Variants in SYNDIG1 observed in about 807,000 individuals in gnomAD.
SYNDIG1 encodes synapse differentiation inducing 1.
A neutral mutation model predicts 19.4 loss-of-function variants in SYNDIG1; 9 were observed. The ratio of observed to expected loss-of-function variants is 0.46; its 90% CI spans 0.28 to 0.81. The LOEUF (loss-of-function observed/expected upper bound fraction) is 0.81. SYNDIG1 is among the 30% of genes least tolerant of loss of function. The probability of loss-of-function intolerance (pLI) is 0.12; values close to 1 mark genes in which losing one functional copy is unlikely to be tolerated. For synonymous variants in SYNDIG1, 141 were observed against 145.9 expected (o/e 0.97, Z 0.24); for missense variants, 311 against 343.3 (o/e 0.91, Z 0.74).
intron 3 of SYNDIG1, among the ~76,000 whole-genome samples, chr20:24,627,892 C>G (rs187569245): frequency 6.6e-6 from 1 of 152,202 alleles, no homozygotes; most frequent in Admixed American, 6.5e-5. Flanking sequence ...AGTCACTTGG[C>G]GGAGATCCTC....
chr20:24,578,051 A>G (rs2058258035), intron 2 of SYNDIG1, among the ~76,000 whole-genome samples: 1 of 152,234 alleles, frequency 6.6e-6, no homozygotes, highest in African/African-American at 2.4e-5. Context: ...TCATTCAGCA[A>G]ATGTGCGTGG....
At chr20:24,491,107 T>C (rs2056135174) in intron 1 of SYNDIG1, among the ~76,000 whole-genome samples, 1 of 152,112 alleles carries the variant, frequency 6.6e-6, no homozygotes, top group Non-Finnish European at 1.5e-5. Context: ...CCTTATGGGA[T>C]TGATAGTAAA....
intron 1 of SYNDIG1, among the ~76,000 whole-genome samples, chr20:24,541,426 G>T (rs755156008): frequency 2.6e-5 from 4 of 152,226 alleles, no homozygotes; most frequent in Non-Finnish European, 4.4e-5. Context: ...TTACAATAGT[G>T]TTATAGAAAG....
chr20:24,525,263 T>G (rs2057097397), intron 1 of SYNDIG1, among the ~76,000 whole-genome samples: 2 of 150,624 alleles, frequency 1.3e-5, no homozygotes, highest in Admixed American at 1.3e-4. Context: ...GATACTAATG[T>G]TTTATACATA....
chr20:24,556,517 T>C (rs1475611690), intron 2 of SYNDIG1, among the ~76,000 whole-genome samples: 1 of 152,214 alleles, frequency 6.6e-6, no homozygotes, highest in Non-Finnish European at 1.5e-5. Context: ...ACAAAATCTC[T>C]CAGCATTTGC....
intron 3 of SYNDIG1, among the ~76,000 whole-genome samples, chr20:24,663,345 A>G (rs1419981395): frequency 6.6e-6 from 1 of 152,192 alleles, no homozygotes; most frequent in East Asian, 1.9e-4. Flanking sequence ...GAATGAGAAT[A>G]AAGAGCAAAT....
intron 1 of SYNDIG1, among the ~76,000 whole-genome samples, chr20:24,539,711 T>G (rs1006532661): frequency 1.3e-5 from 2 of 152,246 alleles, no homozygotes; most frequent in Non-Finnish European, 2.9e-5. Flanking sequence ...AGTGCATGAA[T>G]ATGGAATGTC....
At chr20:24,551,801 C>T (rs1341044527) in intron 2 of SYNDIG1, among the ~76,000 whole-genome samples, 1 of 151,302 alleles carries the variant, frequency 6.6e-6, no homozygotes, top group Non-Finnish European at 1.5e-5. Context: ...TTGTTGTTTC[C>T]TATTATTTAT....
At chr20:24,646,247 T>A (rs2059421717) in intron 3 of SYNDIG1, among the ~76,000 whole-genome samples, 1 of 152,196 alleles carries the variant, frequency 6.6e-6, no homozygotes, top group Non-Finnish European at 1.5e-5. Context: ...TAAGCAACAC[T>A]GCCTATACAC....
chr20:24,661,176 G>T (rs986660552), intron 3 of SYNDIG1, among the ~76,000 whole-genome samples: 2 of 152,174 alleles, frequency 1.3e-5, no homozygotes, highest in South Asian at 2.1e-4. Context: ...GGCAAAGGCT[G>T]CTGGGGGTGG....
Position 24,543,299 on chromosome 20 carries a change from G to A in SYNDIG1, c.202G>A (p.Glu68Lys). Residue 68 changes from glutamate to lysine, a missense_variant, in exon 2 of 4, where the codon GAG becomes AAG. By Grantham distance (56) the Glu-to-Lys change is moderately conservative. Transcript: ENST00000376862. ...VPASLDSSRS[E>K]PMQQLLDPNT... ...GGCCAGCCTGGACAGCAGCAGGAGT[G>A]AGCCGATGCAGCAGCTGCTGGACCC... is the stretch of plus-strand genomic sequence containing the variant. 1.2e-6 allele frequency: 2 copies of A among 1,613,594 alleles called. No homozygotes were observed. The highest frequency in any genetic ancestry group is 1.7e-6 in the Non-Finnish European group (2 of 1,180,032).
intron 2 of SYNDIG1, among the ~76,000 whole-genome samples, chr20:24,557,819 A>G (rs2068860765): frequency 6.6e-6 from 1 of 152,138 alleles, no homozygotes; most frequent in Admixed American, 6.6e-5. Flanking sequence ...TGCTGGGAGA[A>G]CCACTGCTCT....
In SYNDIG1 at chr20:24,502,196, G is replaced by A. The variant is rs550916492; in HGVS notation, c.-79+32443G>A. 3.3e-5 allele frequency: 5 copies of A among 152,420 alleles called. No individual in the cohort carries two copies. In the East Asian group the frequency reaches 9.6e-4, roughly 29 times the overall value. 9.4% of individuals were successfully genotyped at this position (152,420 alleles called of 1,614,324 possible). A position where few individuals can be genotyped will look rare whatever the true frequency, so the allele number is the denominator to read the frequency against. The stretch of plus-strand genomic sequence containing the variant: ...TTCTTGCCCCTACCCAGTGCTTTCT[G>A]GAACCACCTCCCAAGTGCACTCAGA... On this transcript the variant is annotated intron_variant, in intron 1 of 3. Coordinates refer to ENST00000376862, the MANE Select transcript of SYNDIG1 (RefSeq NM_024893.3).
intron 2 of SYNDIG1, among the ~76,000 whole-genome samples, chr20:24,579,476 G>A (rs553310779): frequency 3.9e-5 from 6 of 152,272 alleles, no homozygotes; most frequent in African/African-American, 9.6e-5. Flanking sequence ...ATATAAGATG[G>A]AGTCTTTCTA....
At chr20:24,648,536 A>G (rs1157253492) in intron 3 of SYNDIG1, among the ~76,000 whole-genome samples, 2 of 152,230 alleles carry the variant, frequency 1.3e-5, no homozygotes, top group Non-Finnish European at 2.9e-5. Context: ...AAAAATCTGA[A>G]GGAGTGGAAC....
chr20:24,505,882 A>T (rs2056579879), intron 1 of SYNDIG1, among the ~76,000 whole-genome samples: 1 of 152,256 alleles, frequency 6.6e-6, no homozygotes, highest in African/African-American at 2.4e-5. Flanking sequence ...CAGTTGTCTC[A>T]TTCTCCCTAT....
chr20:24,497,471 G>T (rs937561002), intron 1 of SYNDIG1, among the ~76,000 whole-genome samples: 1 of 152,190 alleles, frequency 6.6e-6, no homozygotes, highest in Non-Finnish European at 1.5e-5. Flanking sequence ...AAAGGGCTGG[G>T]ATTACAGGTG....
chr20:24,623,525 T>G lies in SYNDIG1; in HGVS notation c.618+38532T>G, dbSNP rs6138339. The stretch of plus-strand genomic sequence containing the variant: ...ATATTTTGTTTTTCTTACTCATAAT[T>G]TATCTAAAAGATACTATCCATTAAA... On this transcript the variant is annotated intron_variant, in intron 3 of 3. Coordinates refer to ENST00000376862, the MANE Select transcript of SYNDIG1 (RefSeq NM_024893.3). Among the ~76,000 whole-genome samples the G allele has an allele frequency of 3.3e-5, 5 of 152,362 alleles. No individual in the cohort carries two copies. In the East Asian group the frequency reaches 9.6e-4, roughly 29 times the overall value.
chr20:24,516,282 C>T (rs1020547702), intron 1 of SYNDIG1, among the ~76,000 whole-genome samples: 1 of 152,192 alleles, frequency 6.6e-6, no homozygotes, highest in Non-Finnish European at 1.5e-5. Context: ...GTAAGGACTT[C>T]ATGTCTAAAA....
Sources: allele counts gnomAD v4.1 joint callset (sites outside exome capture counted in the v4.1 genomes callset), GRCh38; gene constraint gnomAD v4.1.1; transcripts MANE v1.5; gene names NCBI Gene and HGNC (gene_info 2026-07-23, HGNC 2026-07-21).